TMEM108: variants seen among roughly 807,000 people sequenced by gnomAD.
TMEM108 encodes the protein transmembrane protein 108, also known as cancer/testis antigen 124.
In TMEM108, 12 loss-of-function variants were observed where a neutral mutation model predicts 35.1. The observed-to-expected ratio is 0.34, with a 90% CI of 0.22 to 0.55. The LOEUF (loss-of-function observed/expected upper bound fraction) is 0.55, where lower values mean the gene tolerates loss of function less well. TMEM108 is among the 20% of genes least tolerant of loss of function. The pLI is 0.89. For missense variants in TMEM108, 680 were observed against 753.3 expected (o/e 0.90, Z 1.14); for synonymous variants, 287 against 308.6 (o/e 0.93, Z 0.73).
At chr3:133,095,896 G>A (rs1484299903) in intron 2 of TMEM108, among the ~76,000 whole-genome samples, 1 of 152,136 alleles carries the variant, frequency 6.6e-6, no homozygotes, top group Non-Finnish European at 1.5e-5. Context: ...TGGGACCCCT[G>A]CCATAGAACA....
intron 2 of TMEM108, among the ~76,000 whole-genome samples, chr3:133,148,176 G>A (rs1446427427): frequency 6.6e-6 from 1 of 152,246 alleles, no homozygotes; most frequent in Non-Finnish European, 1.5e-5. Flanking sequence ...TGATAAAATA[G>A]CCCAGGGCTC....
chr3:133,131,660 A>G (rs777900988), intron 2 of TMEM108, among the ~76,000 whole-genome samples: 9 of 151,638 alleles, frequency 5.9e-5, no homozygotes, highest in African/African-American at 1.2e-4. Flanking sequence ...ACAATATTAA[A>G]TTCGACCAAT....
At chr3:133,264,177 A>T (rs183903146) in intron 3 of TMEM108, among the ~76,000 whole-genome samples, 1,753 of 139,010 alleles carry the variant, frequency 0.013, 12 homozygotes, top group Non-Finnish European at 0.02. Context: ...ACTTTTTTTT[A>T]AAAAATTAGC....
chr3:133,356,692 C>G (rs1050094718), intron 3 of TMEM108, among the ~76,000 whole-genome samples: 2 of 151,996 alleles, frequency 1.3e-5, no homozygotes, highest in African/African-American at 4.8e-5. Flanking sequence ...AACTGATCTA[C>G]AAACCATGCA....
chr3:133,183,621 T>A (rs1352260996), intron 2 of TMEM108, among the ~76,000 whole-genome samples: 4 of 152,088 alleles, frequency 2.6e-5, no homozygotes, highest in Non-Finnish European at 5.9e-5. Context: ...TCTCCAGAGT[T>A]CTCTGTGAGC....
At chr3:133,176,093 A>AT (rs1945223159) in intron 2 of TMEM108, among the ~76,000 whole-genome samples, 1 of 152,214 alleles carries the variant, frequency 6.6e-6, no homozygotes. Context: ...ACATAATGGT[A>AT]AAGGGATCAA....
chr3:133,142,980 A>T (rs1944661936), intron 2 of TMEM108, among the ~76,000 whole-genome samples: 1 of 152,204 alleles, frequency 6.6e-6, no homozygotes, highest in African/African-American at 2.4e-5. Flanking sequence ...CAGCATTTGA[A>T]TCCAGATGGT....
chr3:133,303,900 T>C (rs1472606836), intron 3 of TMEM108, among the ~76,000 whole-genome samples: 1 of 152,208 alleles, frequency 6.6e-6, no homozygotes, highest in Non-Finnish European at 1.5e-5. Context: ...GCTTCTGATT[T>C]TATTCTTGGC....
intron 2 of TMEM108, among the ~76,000 whole-genome samples, chr3:133,147,075 C>T (rs929504739): frequency 1.3e-5 from 2 of 152,110 alleles, no homozygotes; most frequent in Non-Finnish European, 2.9e-5. Flanking sequence ...GTAGATCTTT[C>T]CTGCTTTCTC....
intron 3 of TMEM108, among the ~76,000 whole-genome samples, chr3:133,358,279 C>T (rs2072236984): frequency 6.6e-6 from 1 of 151,908 alleles, no homozygotes; most frequent in African/African-American, 2.4e-5. Flanking sequence ...TCAAGCAATC[C>T]TCCTGCCTTA....
chr3:133,341,707 A>G (rs550379124), intron 3 of TMEM108, among the ~76,000 whole-genome samples: 2 of 152,026 alleles, frequency 1.3e-5, no homozygotes, highest in Non-Finnish European at 2.9e-5. Context: ...GGAACAGAAT[A>G]GAGAACCTGG....
intron 3 of TMEM108, among the ~76,000 whole-genome samples, chr3:133,332,079 C>T (rs1242008619): frequency 6.5e-5 from 5 of 77,108 alleles, no homozygotes; most frequent in South Asian, 4.4e-4. Flanking sequence ...TGCGTGCGCA[C>T]GTGCACACAC....
At chr3:133,179,493 C>T (rs1337410175) in intron 2 of TMEM108, among the ~76,000 whole-genome samples, 4 of 152,130 alleles carry the variant, frequency 2.6e-5, no homozygotes, top group Non-Finnish European at 4.4e-5. Context: ...ATGATGAGTT[C>T]ATGTCCTTTG....
chr3:133,234,989 A>G (rs1214756519), intron 3 of TMEM108, among the ~76,000 whole-genome samples: 1 of 152,132 alleles, frequency 6.6e-6, no homozygotes, highest in Non-Finnish European at 1.5e-5. Flanking sequence ...TCATGAGTGA[A>G]CTCCCATTCA....
intron 2 of TMEM108, among the ~76,000 whole-genome samples, chr3:133,174,499 C>T (rs985538496): frequency 2.0e-5 from 3 of 152,214 alleles, no homozygotes; most frequent in African/African-American, 7.2e-5. Flanking sequence ...AACGATCAGG[C>T]AGCAACATTT....
chr3:133,074,443 A>C (rs1482905536), intron 2 of TMEM108: 1 of 152,156 alleles, frequency 6.6e-6, no homozygotes, highest in Non-Finnish European at 1.5e-5. Flanking sequence ...TGTTCAGAAC[A>C]CTTACAGTAG....
At chr3:133,270,382 A>C (rs1010572007) in intron 3 of TMEM108, among the ~76,000 whole-genome samples, 2 of 152,232 alleles carry the variant, frequency 1.3e-5, no homozygotes, top group Admixed American at 1.3e-4. Flanking sequence ...AATAAATTTA[A>C]GATTCTAAAG....
chr3:133,297,063 A>G (rs1947156063), intron 3 of TMEM108, among the ~76,000 whole-genome samples: 1 of 152,242 alleles, frequency 6.6e-6, no homozygotes, highest in South Asian at 2.1e-4. Flanking sequence ...GGAGGTCCGA[A>G]CAATATCAGG....
At chr3:133,234,144 G>A (rs963041976) in intron 3 of TMEM108, among the ~76,000 whole-genome samples, 2 of 151,990 alleles carry the variant, frequency 1.3e-5, no homozygotes, top group African/African-American at 4.8e-5. Flanking sequence ...GTAATGCCTA[G>A]GTTTTCTTCT....
Sources: gnomAD v4.1 joint callset for allele counts (sites outside exome capture counted in the v4.1 genomes callset) on GRCh38, gnomAD v4.1.1 for gene constraint, MANE v1.5 for transcripts, NCBI Gene and HGNC (gene_info 2026-07-23, HGNC 2026-07-21) for gene names.